Variants in SLC35D2 observed in about 807,000 individuals in gnomAD.
SLC35D2 encodes solute carrier family 35 member D2, also known as nucleotide sugar transporter SLC35D2.
A neutral mutation model predicts 41.8 loss-of-function variants in SLC35D2; 43 were observed. The observed-to-expected ratio is 1.03, with a 90% CI of 0.81 to 1.33. The LOEUF (loss-of-function observed/expected upper bound fraction) is 1.33, where lower values mean the gene tolerates loss of function less well. Among genes scored for constraint, SLC35D2 ranks in the 40% most tolerant of loss-of-function variants. The probability of loss-of-function intolerance (pLI) is 0.00; values close to 1 mark genes in which losing one functional copy is unlikely to be tolerated. For missense variants in SLC35D2, 380 were observed against 408.4 expected (o/e 0.93, Z 0.60); for synonymous variants, 150 against 163.9 (o/e 0.92, Z 0.65).
chr9:96,360,532 G>A (rs1218188896), intron 3 of SLC35D2, among the ~76,000 whole-genome samples: 1 of 148,526 alleles, frequency 6.7e-6, no homozygotes, highest in Non-Finnish European at 1.5e-5. Context: ...GGGAGGCTGA[G>A]GCAGGAGAAT....
intron 11 of SLC35D2, chr9:96,314,986 G>A (rs1828016161): frequency 6.6e-6 from 1 of 152,172 alleles, no homozygotes; most frequent in Non-Finnish European, 1.5e-5. Context: ...AGGTTTACCT[G>A]AATCAATGTT....
chr9:96,360,054 TG>T, intron 4 of SLC35D2, 99 bp downstream of exon 4: 1 of 719,660 alleles, frequency 1.4e-6, no homozygotes, highest in Non-Finnish European at 2.3e-6. Context: ...CTTCTATATA[TG>T]GTACAAGCAC....
intron 3 of SLC35D2, 68 bp downstream of exon 3, chr9:96,364,396 C>T: frequency 3.1e-6 from 3 of 972,398 alleles, no homozygotes; most frequent in East Asian, 2.4e-5. Flanking sequence ...AGAAATTGAC[C>T]TGTACTCTAA....
intron 4 of SLC35D2, among the ~76,000 whole-genome samples, chr9:96,359,719 T>C (rs1372652189): frequency 6.6e-6 from 1 of 151,436 alleles, no homozygotes; most frequent in African/African-American, 2.4e-5. Flanking sequence ...TAAATGCAGA[T>C]GCAAATTTCA....
chr9:96,377,504 C>G (rs1831009398), intron 1 of SLC35D2, among the ~76,000 whole-genome samples: 1 of 152,248 alleles, frequency 6.6e-6, no homozygotes, highest in Non-Finnish European at 1.5e-5. Context: ...TCTTTTTCAG[C>G]AAAACCTCGA....
intron 1 of SLC35D2, among the ~76,000 whole-genome samples, chr9:96,382,786 G>A (rs1032148923): frequency 2.0e-5 from 3 of 151,968 alleles, no homozygotes; most frequent in African/African-American, 7.3e-5. Flanking sequence ...AGCCCTGGAG[G>A]GTAATTAACA....
chr9:96,332,105 C>T (rs187115750), intron 9 of SLC35D2, among the ~76,000 whole-genome samples: 9 of 152,088 alleles, frequency 5.9e-5, no homozygotes, highest in Admixed American at 2.0e-4. Flanking sequence ...CATTTCAAAG[C>T]GTAATAATTT....
At chr9:96,319,178 C>T (rs575943141), downstream of SLC35D2, among the ~76,000 whole-genome samples, 37 of 152,252 alleles carry the variant, frequency 2.4e-4, no homozygotes, top group African/African-American at 8.2e-4. Context: ...CACATTCAGA[C>T]GTAAGGAAGG....
intron 6 of SLC35D2, among the ~76,000 whole-genome samples, 191 bp from the exon 7 acceptor site, chr9:96,345,592 C>T (rs998837199): frequency 1.3e-5 from 2 of 152,204 alleles, no homozygotes; most frequent in East Asian, 1.9e-4. Context: ...CAGATGGCTT[C>T]GACTCAATCG....
intron 4 of SLC35D2, among the ~76,000 whole-genome samples, chr9:96,355,491 GA>G (rs536515204): frequency 4.8e-4 from 70 of 145,412 alleles, no homozygotes; most frequent in African/African-American, 1.2e-3. Flanking sequence ...TTGTCTCTAA[GA>G]AAAAAAAAAA....
Position 96,349,714 on chromosome 9 carries a change from T to C in SLC35D2, c.488+1389A>G, listed in dbSNP as rs113615622. Reference sequence around the variant, plus strand: ...CTAATTTTTGTATTTTTAGTAGAGATGGGGTTTTGCCATGTTGGCCAGGCT... The same window carrying C: ...CTAATTTTTGTATTTTTAGTAGAGACGGGGTTTTGCCATGTTGGCCAGGCT... On this transcript the variant is annotated intron_variant, in intron 6 of 11. Coordinates refer to ENST00000253270, the MANE Select transcript of SLC35D2 (RefSeq NM_007001.3). Among the ~76,000 whole-genome samples, 379 of 152,214 alleles carry C rather than the reference T, an allele frequency of 2.5e-3. 1 individual carries two copies. The highest frequency in any genetic ancestry group is 8.4e-3 in the African/African-American group (351 of 41,540).
intron 2 of SLC35D2, among the ~76,000 whole-genome samples, chr9:96,365,869 A>C (rs938339815): frequency 4.6e-5 from 7 of 152,042 alleles, no homozygotes; most frequent in Non-Finnish European, 7.4e-5. Flanking sequence ...AAAATTTAAG[A>C]CTCCTTCAAC....
chr9:96,344,672 C>T (rs1829493685), intron 7 of SLC35D2, among the ~76,000 whole-genome samples: 1 of 133,158 alleles, frequency 7.5e-6, no homozygotes, highest in African/African-American at 2.8e-5. Flanking sequence ...AACAAAGAAA[C>T]ATATGCCTGA....
intron 6 of SLC35D2, 32 bp downstream of exon 6, chr9:96,351,071 A>T (rs1429029289): frequency 6.6e-7 from 1 of 1,516,298 alleles, no homozygotes; most frequent in Non-Finnish European, 9.2e-7. Context: ...GACACAAAGA[A>T]GTTATTGAGC....
chr9:96,334,115 T>A (rs1276296595), intron 9 of SLC35D2, among the ~76,000 whole-genome samples: 1 of 152,140 alleles, frequency 6.6e-6, no homozygotes, highest in Non-Finnish European at 1.5e-5. Flanking sequence ...CCCAACCTTT[T>A]TGGCACCAGG....
At chr9:96,357,077 C>G (rs1434096602) in intron 4 of SLC35D2, among the ~76,000 whole-genome samples, 2 of 152,150 alleles carry the variant, frequency 1.3e-5, no homozygotes, top group Non-Finnish European at 2.9e-5. Context: ...ACTCTGGAGG[C>G]TGAGGCAGGA....
intron 1 of SLC35D2, among the ~76,000 whole-genome samples, chr9:96,369,351 G>A (rs773083871): frequency 2.6e-4 from 40 of 152,072 alleles, no homozygotes; most frequent in African/African-American, 6.0e-4. Flanking sequence ...CATTATCCCC[G>A]AACTTATTTA....
At chr9:96,351,065 C>T in intron 6 of SLC35D2, 38 bp downstream of exon 6, 1 of 1,489,436 alleles carries the variant, frequency 6.7e-7, no homozygotes, top group Non-Finnish European at 9.4e-7. Flanking sequence ...GTCAAAGACA[C>T]AAAGAAGTTA....
rs112821341 is a variant in SLC35D2 at position 96,340,856 on chromosome 9, C to A, written c.684+3048G>T. Among the ~76,000 whole-genome samples, 376 of 152,164 alleles carry A rather than the reference C, an allele frequency of 2.5e-3. 1 individual carries two copies. Among genetic ancestry groups the A allele is most frequent in the African/African-American group, 8.5e-3 (352 of 41,498 alleles). On this transcript the variant is annotated intron_variant, in intron 8 of 11. Coordinates refer to ENST00000253270, the MANE Select transcript of SLC35D2 (RefSeq NM_007001.3). Reference sequence around the variant, plus strand: ...CTGGCGGCTCGAAGGTACTTACAGACTTTCTAAAGGAACTTCTGTTTGAAA... The same window carrying A: ...CTGGCGGCTCGAAGGTACTTACAGAATTTCTAAAGGAACTTCTGTTTGAAA...
Sources: gnomAD v4.1 joint callset for allele counts (sites outside exome capture counted in the v4.1 genomes callset) on GRCh38, gnomAD v4.1.1 for gene constraint, MANE v1.5 for transcripts, NCBI Gene and HGNC (gene_info 2026-07-23, HGNC 2026-07-21) for gene names.